The following SLC22A15 variants were observed in gnomAD, a reference collection of about 807,000 sequenced individuals.
The protein encoded by SLC22A15 is solute carrier family 22 member 15.
In SLC22A15, 45 loss-of-function variants were observed where a neutral mutation model predicts 62.7. That is an observed-to-expected ratio of 0.72 (90% CI 0.56 to 0.92). The LOEUF (loss-of-function observed/expected upper bound fraction) is 0.92. Among genes scored for constraint, SLC22A15 ranks in the 40% least tolerant of loss-of-function variants. SLC22A15 has a pLI of 0.00. For synonymous variants in SLC22A15, 264 were observed against 267.0 expected (o/e 0.99, Z 0.11); for missense variants, 622 against 665.6 (o/e 0.93, Z 0.72).
At chr1:115,990,272 A>G in intron 1 of SLC22A15, among the ~76,000 whole-genome samples, 1 of 152,238 alleles carries the variant, frequency 6.6e-6, no homozygotes, top group East Asian at 1.9e-4. Context: ...AGGAAAGGGT[A>G]CATTTAGAAA....
intron 8 of SLC22A15, among the ~76,000 whole-genome samples, chr1:116,056,665 G>C (rs964551067): frequency 6.6e-6 from 1 of 151,880 alleles, no homozygotes; most frequent in Non-Finnish European, 1.5e-5. Flanking sequence ...ATACTACAAG[G>C]CTACAGTAAC....
rs1192484750 is a variant in SLC22A15, at chr1:116,006,043, A to C, written c.301-13539A>C. On this transcript the variant is annotated intron_variant, in intron 2 of 11. Coordinates refer to ENST00000369503, the MANE Select transcript of SLC22A15 (RefSeq NM_018420.3). ...GAGAAGGACAGCTGACCACCACTGG[A>C]CAATGCAATCTTGATTAGAATGCTT... is the stretch of plus-strand genomic sequence containing the variant. Among the ~76,000 whole-genome samples, 10 of 152,206 alleles carry C rather than the reference A, an allele frequency of 6.6e-5. 1 individual carries two copies. The highest frequency in any genetic ancestry group is 8.8e-5 in the Non-Finnish European group (6 of 68,032).
At chr1:115,978,449 A>G (rs553352351) in intron 1 of SLC22A15, among the ~76,000 whole-genome samples, 95 of 152,344 alleles carry the variant, frequency 6.2e-4, no homozygotes, top group Admixed American at 1.2e-3. Context: ...ATTTATGGTC[A>G]GTATTTGCGG....
intron 9 of SLC22A15, among the ~76,000 whole-genome samples, chr1:116,063,746 T>C (rs1658432895): frequency 6.6e-6 from 1 of 152,226 alleles, no homozygotes; most frequent in African/African-American, 2.4e-5. Context: ...GGGACAATTT[T>C]GAGAGCAAAT....
intron 2 of SLC22A15, among the ~76,000 whole-genome samples, chr1:116,016,785 C>A (rs1193759201): frequency 1.3e-5 from 2 of 152,132 alleles, no homozygotes; most frequent in Non-Finnish European, 2.9e-5. Context: ...ACTGCATCTC[C>A]ATCACAACAT....
At chr1:116,065,172 C>T (rs765357674) in intron 10 of SLC22A15, among the ~76,000 whole-genome samples, 6 of 152,104 alleles carry the variant, frequency 3.9e-5, no homozygotes, top group Non-Finnish European at 8.8e-5. Flanking sequence ...TTTCCACAGC[C>T]AAGACTTTTT....
At chr1:115,982,827 C>T (rs537040622) in intron 1 of SLC22A15, among the ~76,000 whole-genome samples, 1 of 152,252 alleles carries the variant, frequency 6.6e-6, no homozygotes, top group Admixed American at 6.5e-5. Flanking sequence ...TTTTTTCATC[C>T]TCACCTATCT....
chr1:116,068,891 A>G lies in SLC22A15; in HGVS notation c.*1783A>G, dbSNP rs899276839. 1.3e-5 allele frequency: 2 copies of G among 152,206 alleles called. No individual in the cohort carries two copies. Among genetic ancestry groups the G allele is most frequent in the East Asian group, 1.9e-4 (1 of 5,200 alleles). The allele number at this position is 152,206 out of a possible 1,614,324, so 9.4% of individuals were successfully genotyped here. ...TTTAAAACAGTGAACTAACATATAT[A>G]TAATTTTTGATTAGTTGGAGCTTTC... is the stretch of plus-strand genomic sequence containing the variant. On this transcript the variant is annotated 3_prime_UTR_variant, in exon 12 of 12. Transcript: ENST00000369503.
chr1:116,057,180 A>T (rs959680009), intron 8 of SLC22A15, among the ~76,000 whole-genome samples: 10 of 151,734 alleles, frequency 6.6e-5, no homozygotes, highest in African/African-American at 2.2e-4. Context: ...TAATATCCAG[A>T]ATCTACAATG....
At chr1:116,062,278 C>T (rs79827359) in intron 8 of SLC22A15, among the ~76,000 whole-genome samples, 2,549 of 152,270 alleles carry the variant, frequency 0.017, 36 homozygotes, top group Non-Finnish European at 0.026. Flanking sequence ...TTGTTCCTTA[C>T]CTTCTCAATG....
intron 5 of SLC22A15, among the ~76,000 whole-genome samples, chr1:116,030,844 C>T (rs1657358442): frequency 6.6e-6 from 1 of 151,960 alleles, no homozygotes; most frequent in Non-Finnish European, 1.5e-5. Context: ...ATAATCTCTA[C>T]CTCCTACATG....
At chr1:115,993,438 T>A in intron 2 of SLC22A15, among the ~76,000 whole-genome samples, 1 of 149,066 alleles carries the variant, frequency 6.7e-6, no homozygotes, top group East Asian at 2.0e-4. Context: ...AGTGTGTGTG[T>A]GTGTGTGTGT....
chr1:116,060,406 C>A (rs910870643), intron 8 of SLC22A15, among the ~76,000 whole-genome samples: 1 of 152,160 alleles, frequency 6.6e-6, no homozygotes, highest in African/African-American at 2.4e-5. Context: ...TGGAGCTATC[C>A]TGACCCTATC....
chr1:116,047,562 T>C (rs1365470832), intron 8 of SLC22A15, among the ~76,000 whole-genome samples: 1 of 152,150 alleles, frequency 6.6e-6, no homozygotes, highest in Non-Finnish European at 1.5e-5. Context: ...CAGGACTCTA[T>C]AGAGACAACC....
chr1:116,065,908 A>C (rs1658485890), intron 10 of SLC22A15, among the ~76,000 whole-genome samples: 1 of 152,178 alleles, frequency 6.6e-6, no homozygotes, highest in African/African-American at 2.4e-5. Flanking sequence ...CGTTTTCCTG[A>C]GAATATGTTT....
intron 6 of SLC22A15, 51 bp from the exon 7 acceptor site, chr1:116,035,136 C>A: frequency 6.3e-7 from 1 of 1,578,074 alleles, no homozygotes; most frequent in South Asian, 1.2e-5. Flanking sequence ...ATGTACTTTT[C>A]TGTTGTCCTT....
chr1:115,997,997 G>A lies in SLC22A15; in HGVS notation c.300+5754G>A, dbSNP rs182687763. On this transcript the variant is annotated intron_variant, in intron 2 of 11. Transcript: ENST00000369503. ...CAGTTTTTTTGCAGATTTTTATGAA[G>A]GATGTTGAATTTTATCAAATGCTTT... is the stretch of plus-strand genomic sequence containing the variant. 1.1e-3 allele frequency among the ~76,000 whole-genome samples: 173 copies of A among 152,108 alleles called. 3 individuals are homozygous for A. The highest frequency in any genetic ancestry group is 3.9e-3 in the African/African-American group (163 of 41,526).
intron 8 of SLC22A15, among the ~76,000 whole-genome samples, chr1:116,060,996 A>T (rs184435161): frequency 1.0e-3 from 152 of 152,232 alleles, no homozygotes; most frequent in African/African-American, 3.4e-3. Context: ...TATTTTTTGG[A>T]CTGGGGCATG....
intron 1 of SLC22A15, among the ~76,000 whole-genome samples, chr1:115,987,686 G>C (rs1232569025): frequency 7.2e-5 from 11 of 152,004 alleles, no homozygotes; most frequent in Middle Eastern, 3.2e-3. Flanking sequence ...AGGTAACTGA[G>C]TACTAAATGC....
Sources: allele counts gnomAD v4.1 joint callset (sites outside exome capture counted in the v4.1 genomes callset), GRCh38; gene constraint gnomAD v4.1.1; transcripts MANE v1.5; gene names NCBI Gene and HGNC (gene_info 2026-07-23, HGNC 2026-07-21).